The following ARHGAP6 variants were observed in gnomAD, a reference collection of about 807,000 sequenced individuals.
The protein encoded by ARHGAP6 is Rho GTPase activating protein 6.
In ARHGAP6, 16 loss-of-function variants were observed where a neutral mutation model predicts 55.7. The ratio of observed to expected loss-of-function variants is 0.29; its 90% confidence interval spans 0.19 to 0.44. The LOEUF (loss-of-function observed/expected upper bound fraction) is 0.44. ARHGAP6 is among the 20% of genes least tolerant of loss of function. The probability of loss-of-function intolerance (pLI) is 1.00; values close to 1 mark genes in which losing one functional copy is unlikely to be tolerated. For missense variants in ARHGAP6, 698 were observed against 808.9 expected (o/e 0.86, Z 1.66); for synonymous variants, 382 against 360.9 (o/e 1.06, Z -0.66).
intron 1 of ARHGAP6, among the ~76,000 whole-genome samples, chrX:11,562,505 CT>C (rs1428744873): frequency 4.5e-5 from 5 of 111,654 alleles, no homozygotes; most frequent in African/African-American, 1.6e-4. Flanking sequence ...GGATTTGTTT[CT>C]TTTAAAAATG....
At chrX:11,623,696 CAAAA>C (rs60192011) in intron 1 of ARHGAP6, among the ~76,000 whole-genome samples, 12,760 of 57,672 alleles carry the variant, frequency 0.22, 814 homozygotes, top group Middle Eastern at 0.36. Context: ...GACTCGGTCT[CAAAA>C]AAAAAAAAAA....
At chrX:11,264,484 C>T (rs1035311976) in intron 1 of ARHGAP6, among the ~76,000 whole-genome samples, 2 of 111,622 alleles carry the variant, frequency 1.8e-5, no homozygotes, top group African/African-American at 6.5e-5. Flanking sequence ...AGGGCAAAAA[C>T]GTCAGAGCAA....
intron 1 of ARHGAP6, among the ~76,000 whole-genome samples, chrX:11,418,918 T>G (rs994619867): frequency 8.9e-6 from 1 of 111,949 alleles, no homozygotes; most frequent in East Asian, 2.8e-4. Flanking sequence ...TGATATTTTA[T>G]GTTTGTCAAC....
intron 1 of ARHGAP6, among the ~76,000 whole-genome samples, chrX:11,260,519 A>G (rs1018694679): frequency 1.3e-4 from 15 of 111,675 alleles, no homozygotes; most frequent in African/African-American, 4.9e-4. Flanking sequence ...CACTTTTCCC[A>G]TAAAATAGAA....
At chrX:11,336,235 T>G (rs1004390714) in intron 1 of ARHGAP6, among the ~76,000 whole-genome samples, 2 of 111,426 alleles carry the variant, frequency 1.8e-5, no homozygotes, top group African/African-American at 6.5e-5. Flanking sequence ...ATGATCATAA[T>G]TATTGGAATC....
At chrX:11,453,493 T>C (rs868057228) in intron 1 of ARHGAP6, among the ~76,000 whole-genome samples, 2 of 108,844 alleles carry the variant, frequency 1.8e-5, no homozygotes, top group Non-Finnish European at 3.8e-5. Flanking sequence ...AATCTGGTTA[T>C]AGTGTTTAAG....
chrX:11,190,866 CAGG>C (rs2046449302), intron 3 of ARHGAP6, among the ~76,000 whole-genome samples: 1 of 111,992 alleles, frequency 8.9e-6, no homozygotes, highest in Non-Finnish European at 1.9e-5. Context: ...CCTCCTGTTT[CAGG>C]AGAAGAGCAA....
intron 1 of ARHGAP6, among the ~76,000 whole-genome samples, chrX:11,606,946 C>T (rs2052042698): frequency 8.9e-6 from 1 of 111,954 alleles, no homozygotes; most frequent in Non-Finnish European, 1.9e-5. Flanking sequence ...AAGTCGGTTT[C>T]TTATTTCTTT....
intron 10 of ARHGAP6, 45 bp from the exon 11 acceptor site, chrX:11,144,293 T>C: frequency 8.3e-7 from 1 of 1,204,892 alleles, no homozygotes; most frequent in Non-Finnish European, 1.1e-6. Flanking sequence ...TGTTAACAAG[T>C]AGTGACCAGA....
chrX:11,582,120 T>C (rs2051673801), intron 1 of ARHGAP6, among the ~76,000 whole-genome samples: 2 of 110,993 alleles, frequency 1.8e-5, no homozygotes, highest in Admixed American at 1.9e-4. Flanking sequence ...TGAGAGGTAA[T>C]TATTATTATT....
At chrX:11,146,367 G>A (rs1394209877) in intron 10 of ARHGAP6, among the ~76,000 whole-genome samples, 1 of 111,984 alleles carries the variant, frequency 8.9e-6, no homozygotes, top group African/African-American at 3.2e-5. Flanking sequence ...TGGAGGTAGA[G>A]GTAGATGAGG....
chrX:11,152,458 C>T (rs1053628878), intron 10 of ARHGAP6, among the ~76,000 whole-genome samples: 1 of 111,865 alleles, frequency 8.9e-6, no homozygotes, highest in Non-Finnish European at 1.9e-5. Context: ...CCTCAGCCTG[C>T]CATTTAAGGG....
chrX:11,205,216 C>T (rs1188934846), intron 2 of ARHGAP6, among the ~76,000 whole-genome samples: 3 of 111,146 alleles, frequency 2.7e-5, no homozygotes, highest in Admixed American at 9.5e-5. Flanking sequence ...CTTTCAGTTA[C>T]TCTCCATTAT....
chrX:11,364,028 A>G (rs1317287507), intron 1 of ARHGAP6, among the ~76,000 whole-genome samples: 1 of 112,339 alleles, frequency 8.9e-6, no homozygotes. Context: ...AGCCATAAAA[A>G]GGAACAAGAT....
At chrX:11,613,934 C>G (rs1029121219) in intron 1 of ARHGAP6, among the ~76,000 whole-genome samples, 3 of 112,222 alleles carry the variant, frequency 2.7e-5, no homozygotes, top group Non-Finnish European at 5.6e-5. Context: ...TTCCCAATAA[C>G]TCCAGATGAG....
At chrX:11,470,351 TA>T (rs987322565) in intron 1 of ARHGAP6, among the ~76,000 whole-genome samples, 3 of 111,675 alleles carry the variant, frequency 2.7e-5, no homozygotes, top group East Asian at 2.8e-4. Flanking sequence ...TAAACCTGGT[TA>T]AAAAAATATA....
chrX:11,340,525 G>A (rs944864723), intron 1 of ARHGAP6, among the ~76,000 whole-genome samples: 1 of 111,046 alleles, frequency 9.0e-6, no homozygotes, highest in Non-Finnish European at 1.9e-5. Flanking sequence ...GTCAGGAGAT[G>A]GAGACCATCC....
chrX:11,590,136 A>G (rs182782078), intron 1 of ARHGAP6, among the ~76,000 whole-genome samples: 281 of 111,774 alleles, frequency 2.5e-3, no homozygotes, highest in African/African-American at 8.7e-3. Context: ...GGAATCTGAT[A>G]TCTTAAAAAT....
chrX:11,572,778 T>G (rs766699952), intron 1 of ARHGAP6, among the ~76,000 whole-genome samples: 9 of 111,867 alleles, frequency 8.0e-5, no homozygotes, highest in East Asian at 2.8e-4. Flanking sequence ...ACTTCCACAA[T>G]GGTTGAACTA....
Sources: gnomAD v4.1 joint callset for allele counts (sites outside exome capture counted in the v4.1 genomes callset) on GRCh38, gnomAD v4.1.1 for gene constraint, MANE v1.5 for transcripts, NCBI Gene and HGNC (gene_info 2026-07-23, HGNC 2026-07-21) for gene names.